The following PDK2 variants were observed in gnomAD, a reference collection of about 807,000 sequenced individuals.
The protein encoded by PDK2 is pyruvate dehydrogenase kinase, isozyme 2.
A neutral mutation model predicts 50.4 loss-of-function variants in PDK2; 34 were observed. The observed-to-expected ratio is 0.68, with a 90% confidence interval of 0.51 to 0.90. PDK2 has a LOEUF of 0.90. PDK2 is among the 40% of genes least tolerant of loss of function. The pLI is 0.00. For missense variants in PDK2, 377 were observed against 544.5 expected, an observed-to-expected ratio of 0.69 and a Z score of 3.06; for synonymous variants, 232 against 216.0, an observed-to-expected ratio of 1.07 and a Z score of -0.65.
At chr17:50,105,720 G>A (rs847696) in intron 3 of PDK2, among the ~76,000 whole-genome samples, 165 bp from the exon 4 acceptor site, 19,703 of 152,192 alleles carry the variant, frequency 0.13, 1,872 homozygotes, top group East Asian at 0.36. Flanking sequence ...GAAGCCTGCC[G>A]GCAGGCAGCT....
Position 50,108,315 on chromosome 17 carries a change from G to A in PDK2, c.763-4G>A, listed in dbSNP as rs780444390. ...ATGCATCTCTTACCTCTGCCCCTCC[G>A]CAGAATGCCATGAGGGCGACTGTGG... is the stretch of plus-strand genomic sequence containing the variant. On this transcript the variant is annotated splice_polypyrimidine_tract_variant and splice_region_variant and intron_variant, in intron 7 of 10. Coordinates refer to ENST00000503176, the MANE Select transcript of PDK2 (RefSeq NM_002611.5). The A allele has an allele frequency of 1.1e-5, 17 of 1,613,262 alleles. No homozygotes were observed. The highest frequency in any genetic ancestry group is 7.7e-5 in the South Asian group (7 of 90,940).
chr17:50,106,996 G>C, intron 5 of PDK2, 80 bp from the exon 6 acceptor site: 1 of 1,470,258 alleles, frequency 6.8e-7, no homozygotes, highest in South Asian at 1.1e-5. Context: ...ATTTAATGCT[G>C]GTGGTCCCCA....
Position 50,109,233 on chromosome 17 carries a change from C to T in PDK2, c.970-54C>T. 1 of 1,137,338 alleles carries T rather than the reference C, an allele frequency of 8.8e-7. No individual in the cohort carries two copies. 70.5% of individuals were successfully genotyped at this position (1,137,338 alleles called of 1,614,324 possible). A position where few individuals can be genotyped will look rare whatever the true frequency, so the allele number is the denominator to read the frequency against. ...CCTCCCTGCATCAGTCCCTGCAGCT[C>T]CAGGAGGCCCCTGCCAGCCTCCTCA... is the stretch of plus-strand genomic sequence containing the variant. On this transcript the variant is annotated intron_variant, in intron 9 of 10. Coordinates refer to ENST00000503176, the MANE Select transcript of PDK2 (RefSeq NM_002611.5). The surrounding 1 kb of genome is among the most constrained non-coding windows in gnomAD (Gnocchi z 5.0).
intron 2 of PDK2, among the ~76,000 whole-genome samples, chr17:50,099,211 G>T (rs1322661372): frequency 6.6e-6 from 1 of 152,076 alleles, no homozygotes; most frequent in Non-Finnish European, 1.5e-5. Flanking sequence ...GGCTCTATCC[G>T]GCTGCCTGAC....
Position 50,105,735 on chromosome 17 carries a change from G to T in PDK2, c.333-150G>T, listed in dbSNP as rs550390353. The T allele has an allele frequency of 1.1e-5, 13 of 1,131,148 alleles. No homozygotes were observed. The Admixed American group carries it at 2.4e-4, about 21-fold the overall frequency. The allele number at this position is 1,131,148 out of a possible 1,614,324, so 70.1% of individuals were successfully genotyped here. The stretch of plus-strand genomic sequence containing the variant: ...GAAGCCTGCCGGCAGGCAGCTAAAA[G>T]ATCAGAGTGGGCTTTGGGAGGAGCA... On this transcript the variant is annotated intron_variant, in intron 3 of 10. Transcript: ENST00000503176.
rs1339714602 is a variant in PDK2, at chr17:50,106,411, T to C, written c.517+342T>C. ...TTTCTTATTCCAGGAGGATTCACTA[T>C]GATTTTTGAGAAGTTGTAGCCAGTC... On this transcript the variant is annotated intron_variant, in intron 4 of 10. Coordinates refer to ENST00000503176, the MANE Select transcript of PDK2 (RefSeq NM_002611.5). 5 of 416,336 alleles carry C rather than the reference T, an allele frequency of 1.2e-5. No individual in the cohort carries two copies. The African/African-American group carries it at 1.3e-4, about 10-fold the overall frequency. 25.8% of individuals were successfully genotyped at this position (416,336 alleles called of 1,614,324 possible).
Position 50,108,092 on chromosome 17 carries a change from G to T in PDK2, c.686-64G>T, listed in dbSNP as rs1020243786. The T allele has an allele frequency of 1.1e-5, 15 of 1,381,140 alleles. No individual in the cohort carries two copies. In the Admixed American group the frequency reaches 1.6e-4, roughly 14 times the overall value. 85.6% of individuals were successfully genotyped at this position (1,381,140 alleles called of 1,614,324 possible). ...TTGTGGGAGGGGGTGCCTCCTTTGG[G>T]TAAGGTGGTTGAGCAGTGACCTCCT... is the stretch of plus-strand genomic sequence containing the variant. On this transcript the variant is annotated intron_variant, in intron 6 of 10. Transcript: ENST00000503176.
At chr17:50,108,440 G>A (rs755346585) in intron 8 of PDK2, 23 bp downstream of exon 8, 3 of 1,581,598 alleles carry the variant, frequency 1.9e-6, no homozygotes, top group Admixed American at 1.7e-5. Context: ...TTGACCTTGG[G>A]GACCAGGGAG....
chr17:50,095,448 T>G lies in PDK2; in HGVS notation c.13T>G (p.Trp5Gly). Residue 5 changes from tryptophan to glycine, a missense_variant, in exon 1 of 11, where the codon TGG (tryptophan) becomes GGG (glycine). Coordinates refer to ENST00000503176, the MANE Select transcript of PDK2 (RefSeq NM_002611.5). ...GGCCGCCGCAGCCATGCGCTGGGTGTGGGCGCTGCTGAAGAATGCGTCCCT... is the reference window on the plus strand; with the variant it reads ...GGCCGCCGCAGCCATGCGCTGGGTGGGGGCGCTGCTGAAGAATGCGTCCCT... MRWV[W>G]ALLKNASLAG... 1.2e-6 allele frequency: 2 copies of G among 1,602,266 alleles called. No individual in the cohort carries two copies. The highest frequency in any genetic ancestry group is 1.7e-6 in the Non-Finnish European group (2 of 1,174,894).
intron 6 of PDK2, 29 bp from the exon 7 acceptor site, chr17:50,108,127 C>T (rs759269202): frequency 6.4e-7 from 1 of 1,567,880 alleles, no homozygotes; most frequent in Non-Finnish European, 8.7e-7. Context: ...TGACGGTTTC[C>T]TGACCCTTGG....
chr17:50,095,587 G>A, intron 1 of PDK2, 34 bp downstream of exon 1: 2 of 1,555,566 alleles, frequency 1.3e-6, no homozygotes, highest in South Asian at 2.3e-5. Flanking sequence ...TGGCAGCGGA[G>A]GCCGGCGGGG....
Position 50,108,706 on chromosome 17 carries a change from G to A in PDK2, c.956G>A (p.Gly319Glu). ...GCACCCACCCCCCAGCCTGGCACCG[G>A]GGGAACGCCGCTGGTGAGATGGCTT... ...STAPTPQPGT[G>E]GTPLAGFGYG... The change falls in exon 9 of 11, where the codon GGG (glycine) becomes GAG (glutamate). Residue 319 changes from glycine (G) to glutamate (E), a missense_variant. Transcript: ENST00000503176. 1 of 1,610,274 alleles carries A rather than the reference G, an allele frequency of 6.2e-7. No individual in the cohort carries two copies. Among genetic ancestry groups the A allele is most frequent in the Non-Finnish European group, 8.5e-7 (1 of 1,177,894 alleles).
chr17:50,095,768 G>T, intron 1 of PDK2: 1 of 1,390,490 alleles, frequency 7.2e-7, no homozygotes. Context: ...TTACAAGGAC[G>T]GTCCCGAGGT....
intron 2 of PDK2, 139 bp downstream of exon 2, chr17:50,097,703 G>T: frequency 1.0e-6 from 1 of 983,212 alleles, no homozygotes. Flanking sequence ...CAAGCGCTTG[G>T]AGTTGCCTAG....
intron 2 of PDK2, among the ~76,000 whole-genome samples, chr17:50,102,195 G>A (rs975640656): frequency 6.6e-6 from 1 of 152,218 alleles, no homozygotes; most frequent in South Asian, 2.1e-4. Context: ...GGACCTCGGG[G>A]AAAATCCTCA....
intron 1 of PDK2, 68 bp downstream of exon 1, chr17:50,095,621 T>A: frequency 6.6e-7 from 1 of 1,507,272 alleles, no homozygotes; most frequent in South Asian, 1.2e-5. Context: ...AGCCGGGGGC[T>A]AGGGGGACGG....
chr17:50,108,360 C>T lies in PDK2; in HGVS notation c.804C>T (p.Leu268=), dbSNP rs771873158. The change falls in exon 8 of 11, where the codon CTC becomes CTT. Residue 268 remains leucine, a synonymous_variant. Coordinates refer to ENST00000503176, the MANE Select transcript of PDK2 (RefSeq NM_002611.5). ...CTGTGGAAAGCCATGAGTCCAGCCT[C>T]ATTCTCCCACCCATCAAGGTCATGG... ...RATVESHESS[L]ILPPIKVMVA... is the part of the protein sequence containing the mutation. 12 of 1,614,186 alleles carry T rather than the reference C, an allele frequency of 7.4e-6. No individual in the cohort carries two copies. The South Asian group carries it at 1.2e-4, about 16-fold the overall frequency.
intron 2 of PDK2, chr17:50,100,759 G>A (rs1439520444): frequency 6.6e-6 from 1 of 152,236 alleles, no homozygotes; most frequent in Non-Finnish European, 1.5e-5. Flanking sequence ...GAGAAACTGA[G>A]GTTCAGAGAG....
At chr17:50,106,170 C>T (rs1296981221) in intron 4 of PDK2, 101 bp downstream of exon 4, 2 of 1,529,128 alleles carry the variant, frequency 1.3e-6, no homozygotes, top group Admixed American at 4.0e-5. Flanking sequence ...TTCAGAACCC[C>T]ACAAAGGGAG....
Sources: allele counts gnomAD v4.1 joint callset (sites outside exome capture counted in the v4.1 genomes callset), GRCh38; gene constraint gnomAD v4.1.1; non-coding constraint Gnocchi (gnomAD v3.1); transcripts MANE v1.5; gene names NCBI Gene and HGNC (gene_info 2026-07-23, HGNC 2026-07-21).